Variants in TCF20 observed in about 807,000 individuals in gnomAD.
TCF20 encodes the protein SPRE-binding protein.
A neutral mutation model predicts 148.6 loss-of-function variants in TCF20; 3 were observed. The ratio of observed to expected loss-of-function variants is 0.02; its 90% CI spans 0.01 to 0.05. The LOEUF (loss-of-function observed/expected upper bound fraction) is 0.05. TCF20 is among the 10% of genes least tolerant of loss of function. The probability of loss-of-function intolerance (pLI) is 1.00; values close to 1 mark genes in which losing one functional copy is unlikely to be tolerated. For synonymous variants in TCF20, 1,049 were observed against 909.5 expected, an observed-to-expected ratio of 1.15 and a Z score of -2.76; for missense variants, 2,350 against 2,429.3, an observed-to-expected ratio of 0.97 and a Z score of 0.69.
intron 2 of TCF20, among the ~76,000 whole-genome samples, chr22:42,205,812 C>A (rs1383603195): frequency 6.6e-6 from 1 of 152,186 alleles, no homozygotes; most frequent in Non-Finnish European, 1.5e-5. Flanking sequence ...CACTCAGTCG[C>A]CCAGGCTAGA....
intron 1 of TCF20, among the ~76,000 whole-genome samples, chr22:42,318,402 C>T (rs936791040): frequency 6.6e-6 from 1 of 152,196 alleles, no homozygotes; most frequent in African/African-American, 2.4e-5. Flanking sequence ...CCCTCCACTT[C>T]CCTCGCGGCC....
At chr22:42,293,350 G>T (rs1927167700) in intron 1 of TCF20, among the ~76,000 whole-genome samples, 2 of 152,326 alleles carry the variant, frequency 1.3e-5, no homozygotes, top group South Asian at 4.1e-4. Flanking sequence ...AAAGGGCAAA[G>T]GTCAGCTCAT....
chr22:42,212,307 C>A lies in TCF20; in HGVS notation c.2999G>T (p.Gly1000Val), dbSNP rs1921040332. The A allele has an allele frequency of 3.7e-6, 6 of 1,614,194 alleles. No homozygotes were observed. The highest frequency in any genetic ancestry group is 4.2e-6 in the Non-Finnish European group (5 of 1,180,034). The change falls in exon 2 of 6, where the codon GGC (glycine) becomes GTC (valine). Residue 1000 changes from glycine (G) to valine (V), a missense_variant. Coordinates refer to ENST00000677622, the MANE Select transcript of TCF20 (RefSeq NM_001378418.1). ...RVPGRVGGRE[G>V]MRGRSPSQYH... ...TTGAGAAGGGGACCGACCCCTCATG[C>A]CCTCCCGACCACCAACTCTGCCAGG...
At chr22:42,224,660 G>A (rs538801784) in intron 1 of TCF20, among the ~76,000 whole-genome samples, 1 of 151,302 alleles carries the variant, frequency 6.6e-6, no homozygotes, top group African/African-American at 2.4e-5. Flanking sequence ...CCAGTAATAT[G>A]TATTAGAAGA....
intron 1 of TCF20, among the ~76,000 whole-genome samples, chr22:42,323,986 ATGGTGGTGGAGGTGG>A (rs1927804588): frequency 3.0e-5 from 1 of 33,320 alleles, no homozygotes; most frequent in African/African-American, 1.7e-4. Context: ...GGTGGAGGTT[ATGGTGGTGGAGGTGG>A]TGGCGGAGGT....
chr22:42,254,751 G>A (rs1326000610), intron 1 of TCF20, among the ~76,000 whole-genome samples: 1 of 152,108 alleles, frequency 6.6e-6, no homozygotes, highest in African/African-American at 2.4e-5. Context: ...CAGATCACAG[G>A]GTCAGCAGAT....
rs6002669 is a variant in TCF20 at position 42,281,204 on chromosome 22, A to G, written c.-37+2623T>C. 2.9e-3 allele frequency among the ~76,000 whole-genome samples: 444 copies of G among 152,338 alleles called. 3 individuals carry two copies. The highest frequency in any genetic ancestry group is 1.0e-2 in the African/African-American group (415 of 41,574). On this transcript the variant is annotated intron_variant, in intron 1 of 5. Coordinates refer to the TCF20 transcript ENST00000359486. Reference sequence around the variant, plus strand: ...GGTCCTGAGACTCCAAATTAAAAGAAGACCCAAGCTGGTCTTTAAATTCAA... The same window carrying G: ...GGTCCTGAGACTCCAAATTAAAAGAGGACCCAAGCTGGTCTTTAAATTCAA...
At chr22:42,219,749 G>A (rs1287247218) in intron 1 of TCF20, among the ~76,000 whole-genome samples, 2 of 152,022 alleles carry the variant, frequency 1.3e-5, no homozygotes, top group South Asian at 2.1e-4. Flanking sequence ...CCAGCACCTC[G>A]GGGGGCTGAG....
At chr22:42,342,537 G>A (rs958683840) in intron 1 of TCF20, among the ~76,000 whole-genome samples, 7 of 152,210 alleles carry the variant, frequency 4.6e-5, no homozygotes, top group African/African-American at 7.2e-5. Context: ...ATCTCATTGG[G>A]CAGAGGTGAA....
At chr22:42,177,267 T>C (rs1278017903) in intron 3 of TCF20, among the ~76,000 whole-genome samples, 1 of 151,988 alleles carries the variant, frequency 6.6e-6, no homozygotes, top group Non-Finnish European at 1.5e-5. Context: ...ATACAAAAAT[T>C]AGCCGGGCAT....
chr22:42,268,602 CA>C (rs1926419987), intron 1 of TCF20, among the ~76,000 whole-genome samples: 1 of 152,222 alleles, frequency 6.6e-6, no homozygotes, highest in Non-Finnish European at 1.5e-5. Context: ...CTGGATCCTC[CA>C]AAATCCCCTG....
chr22:42,318,189 T>C (rs568908969), intron 1 of TCF20, among the ~76,000 whole-genome samples: 5 of 152,330 alleles, frequency 3.3e-5, no homozygotes, highest in Admixed American at 6.5e-5. Flanking sequence ...AGCCAGCTTG[T>C]TTGGGGAACG....
chr22:42,224,187 C>T (rs1436278344), intron 1 of TCF20, among the ~76,000 whole-genome samples: 1 of 151,986 alleles, frequency 6.6e-6, no homozygotes, highest in East Asian at 1.9e-4. Context: ...TATTACATTT[C>T]CTGGCCAGGC....
intron 1 of TCF20, among the ~76,000 whole-genome samples, chr22:42,264,274 G>C (rs1926168263): frequency 6.7e-6 from 1 of 150,050 alleles, no homozygotes; most frequent in African/African-American, 2.5e-5. Context: ...GGCGGGGGCG[G>C]GGCGGGGGCA....
chr22:42,273,681 T>C (rs529086942), upstream of TCF20, among the ~76,000 whole-genome samples: 30 of 152,294 alleles, frequency 2.0e-4, no homozygotes, highest in African/African-American at 7.2e-4. Context: ...ACTAGTTTTT[T>C]TCCCCCTCCC....
At position 42,161,241 on chromosome 22, in the gene TCF20, C is replaced by A. The variant is rs949769903; in HGVS notation, c.*162G>T. On this transcript the variant is annotated 3_prime_UTR_variant, in exon 6 of 6. Coordinates refer to ENST00000677622, the MANE Select transcript of TCF20 (RefSeq NM_001378418.1). The stretch of plus-strand genomic sequence containing the variant: ...TGTGATGTGAGAACTTAAGGAAGTG[C>A]TGGCATGGGCAGGCACGCGGGCGGG... The A allele has an allele frequency of 5.0e-6, 7 of 1,392,172 alleles. No homozygotes were observed. In the East Asian group the frequency reaches 8.3e-5, roughly 17 times the overall value. The allele number at this position is 1,392,172 out of a possible 1,614,324, so 86.2% of individuals were successfully genotyped here.
Position 42,212,258 on chromosome 22 carries a change from C to T in TCF20, c.3048G>A (p.Leu1016=), listed in dbSNP as rs768441015. 1.9e-6 allele frequency: 3 copies of T among 1,614,060 alleles called. No individual in the cohort carries two copies. Among genetic ancestry groups the T allele is most frequent in the Non-Finnish European group, 2.5e-6 (3 of 1,180,034 alleles). The change falls in exon 2 of 6, where the codon TTG becomes TTA. Residue 1016 remains leucine (L), a synonymous_variant. Coordinates refer to ENST00000677622, the MANE Select transcript of TCF20 (RefSeq NM_001378418.1). The part of the protein sequence containing the change: ...PSQYHDFAEK[L]KMSPGRSRGP... ...CTCTGCTCCGCCCAGGAGACATTTT[C>T]AATTTTTCTGCAAAGTCATGATATT...
At chr22:42,293,686 GC>G (rs2147027806) in intron 1 of TCF20, among the ~76,000 whole-genome samples, 1 of 152,366 alleles carries the variant, frequency 6.6e-6, no homozygotes, top group East Asian at 1.9e-4. Flanking sequence ...AAGAGGCTTA[GC>G]CCCCAGCTTG....
intron 1 of TCF20, among the ~76,000 whole-genome samples, chr22:42,243,713 T>C (rs1275083964): frequency 1.3e-5 from 2 of 152,176 alleles, no homozygotes; most frequent in East Asian, 3.8e-4. Context: ...ATATTAGTAA[T>C]AGTGGAACCT....
Sources: gnomAD v4.1 joint callset for allele counts (sites outside exome capture counted in the v4.1 genomes callset) on GRCh38, gnomAD v4.1.1 for gene constraint, MANE v1.5 for transcripts, NCBI Gene and HGNC (gene_info 2026-07-23, HGNC 2026-07-21) for gene names.